Variants in AFAP1L1 observed in about 807,000 individuals in gnomAD.
AFAP1L1 encodes the protein actin filament associated protein 1 like 1, also known as actin filament-associated protein 1-like 1.
AFAP1L1 carries 77 observed loss-of-function variants against 99.8 expected under a neutral mutation model. The ratio of observed to expected loss-of-function variants is 0.77; its 90% CI spans 0.64 to 0.93. AFAP1L1 has a LOEUF of 0.93. Ranked by LOEUF, AFAP1L1 falls within the 40% of genes least tolerant of loss-of-function variation. The pLI is 0.00. For missense variants in AFAP1L1, 893 were observed against 996.8 expected (o/e 0.90, Z 1.40); for synonymous variants, 373 against 395.3 (o/e 0.94, Z 0.67).
At chr5:149,311,060 C>T (rs1346608925) in intron 8 of AFAP1L1, among the ~76,000 whole-genome samples, 2 of 152,056 alleles carry the variant, frequency 1.3e-5, no homozygotes, top group Non-Finnish European at 2.9e-5. Flanking sequence ...GATGCCCCAC[C>T]CCCCATTCCT....
rs143981577 is a variant in AFAP1L1, at chr5:149,329,695, C to T, written c.1840C>T (p.Arg614Ter). 21 of 1,613,802 alleles carry T rather than the reference C, an allele frequency of 1.3e-5. No individual in the cohort carries two copies. The highest frequency in any genetic ancestry group is 8.8e-5 in the South Asian group (8 of 91,022). ...CAATCAATACAAGTATGGCAAGAAC[C>T]GAGCCGAGGAGGATGCCCGGAGGTA... is the stretch of plus-strand genomic sequence containing the variant. ...SANQYKYGKN[R>*]AEEDARRYLV... Residue 614 changes from arginine to a stop codon, truncating the protein, a stop_gained, in exon 16 of 19, where the codon CGA becomes TGA. Transcript: ENST00000296721. LOFTEE classifies it high-confidence loss of function.
chr5:149,329,830 G>A lies in AFAP1L1; in HGVS notation c.1975G>A (p.Gly659Arg), dbSNP rs1483453740. 6.2e-7 allele frequency: 1 copy of A among 1,606,916 alleles called. No individual in the cohort carries two copies. Among genetic ancestry groups the A allele is most frequent in the South Asian group, 1.1e-5 (1 of 89,820 alleles). ...GAAGGAAGCCATTCGGAGCAGCCCA[G>A]GTACCTATGTGGGTGTGGTCCTGAG... Reference protein sequence around the residue: ...ELKEAIRSSPGAKLKALEEAV... With the variant: ...ELKEAIRSSPRAKLKALEEAV... The change falls in exon 16 of 19, where the codon GGA becomes AGA. Residue 659 changes from glycine (G) to arginine (R), a missense_variant and splice_region_variant. Transcript: ENST00000296721.
chr5:149,307,818 T>TTCTTTCTCTCTCTCTC (rs1756473593), intron 7 of AFAP1L1, among the ~76,000 whole-genome samples: 1 of 100,504 alleles, frequency 9.9e-6, no homozygotes, highest in Non-Finnish European at 1.9e-5. Flanking sequence ...GTGCCTCTCT[T>TTCTTTCTCTCTCTCTC]TCTCTCTCTC....
chr5:149,312,258 G>A (rs1756657461), intron 9 of AFAP1L1, 54 bp downstream of exon 9: 4 of 1,557,936 alleles, frequency 2.6e-6, no homozygotes, highest in South Asian at 1.1e-5. Context: ...CACTCAACAC[G>A]GGCTCAACCC....
chr5:149,312,774 G>A (rs1756675131), intron 9 of AFAP1L1, among the ~76,000 whole-genome samples: 1 of 148,954 alleles, frequency 6.7e-6, no homozygotes, highest in Non-Finnish European at 1.5e-5. Flanking sequence ...GGGCAACAGA[G>A]TGAGACCCTG....
At chr5:149,311,151 A>G (rs937735318) in intron 8 of AFAP1L1, among the ~76,000 whole-genome samples, 1 of 152,130 alleles carries the variant, frequency 6.6e-6, no homozygotes, top group African/African-American at 2.4e-5. Flanking sequence ...TGCTGGAACA[A>G]TGAAACCAAA....
chr5:149,320,294 G>T lies in AFAP1L1; in HGVS notation c.1626-97G>T. The T allele has an allele frequency of 8.2e-7, 1 of 1,225,634 alleles. No homozygotes were observed. The highest frequency in any genetic ancestry group is 2.4e-5 in the East Asian group (1 of 42,118). 75.9% of individuals were successfully genotyped at this position (1,225,634 alleles called of 1,614,324 possible). ...ACCAATCTTCTGATCTGCCTTAAGA[G>T]TTTCTGCCAGAATCAATGAGAGTGA... On this transcript the variant is annotated intron_variant, in intron 13 of 18. Coordinates refer to ENST00000296721, the MANE Select transcript of AFAP1L1 (RefSeq NM_152406.4). The surrounding 1 kb of genome is among the most constrained non-coding windows in gnomAD (Gnocchi z 4.0).
At chr5:149,337,500 G>A (rs976265670) in intron 18 of AFAP1L1, among the ~76,000 whole-genome samples, 1 of 152,164 alleles carries the variant, frequency 6.6e-6, no homozygotes, top group Non-Finnish European at 1.5e-5. Flanking sequence ...TTAAGCACCT[G>A]CTAAATGCTT....
In AFAP1L1 at chr5:149,335,708, C is replaced by G; in HGVS notation, c.2269C>G (p.Leu757Val). The G allele has an allele frequency of 6.2e-7, 1 of 1,613,986 alleles. No individual in the cohort carries two copies. Among genetic ancestry groups the G allele is most frequent in the East Asian group, 2.2e-5 (1 of 44,870 alleles). Residue 757 changes from leucine to valine, a missense_variant, in exon 18 of 19, where the codon CTA (leucine) becomes GTA (valine). By Grantham distance (32) the Leu-to-Val change is conservative. Coordinates refer to ENST00000296721, the MANE Select transcript of AFAP1L1 (RefSeq NM_152406.4). ...CGTAGCCTCCAACCAAGGAAGGGTGCTACAGAAAGCCAAGGTAGAGCCATA... is the reference window on the plus strand; with the variant it reads ...CGTAGCCTCCAACCAAGGAAGGGTGGTACAGAAAGCCAAGGTAGAGCCATA... Reference protein sequence around the residue: ...SIVASNQGRVLQKAKEWEMKK... With the variant: ...SIVASNQGRVVQKAKEWEMKK...
intron 1 of AFAP1L1, among the ~76,000 whole-genome samples, chr5:149,286,709 C>T (rs942802862): frequency 2.6e-5 from 4 of 152,330 alleles, no homozygotes; most frequent in Admixed American, 2.6e-4. Flanking sequence ...ATACAGGGTG[C>T]TCCTGCTTCT....
At chr5:149,293,917 G>T (rs904742322) in intron 1 of AFAP1L1, among the ~76,000 whole-genome samples, 2 of 152,108 alleles carry the variant, frequency 1.3e-5, no homozygotes, top group Admixed American at 1.3e-4. Flanking sequence ...GGCAGTGCAA[G>T]AATCCCAATA....
Position 149,342,774 on chromosome 5 carries a change from C to T in AFAP1L1, c.*2744C>T, listed in dbSNP as rs991477458. 4.0e-5 allele frequency among the ~76,000 whole-genome samples: 6 copies of T among 151,796 alleles called. No homozygotes were observed. Among genetic ancestry groups the T allele is most frequent in the African/African-American group, 9.7e-5 (4 of 41,108 alleles). ...CAAAAATACAAAAGTTAGCTGGGCA[C>T]GGTGGCACATGCCGGTAGTCCCAGC... On this transcript the variant is annotated 3_prime_UTR_variant, in exon 19 of 19. Transcript: ENST00000296721.
At chr5:149,339,326 A>T (rs370339781) in intron 18 of AFAP1L1, among the ~76,000 whole-genome samples, 1 of 151,958 alleles carries the variant, frequency 6.6e-6, no homozygotes, top group East Asian at 1.9e-4. Flanking sequence ...TGTAGCTGGG[A>T]TTACAGGTGC....
intron 17 of AFAP1L1, among the ~76,000 whole-genome samples, chr5:149,333,701 C>T (rs983856224): frequency 6.6e-6 from 1 of 152,192 alleles, no homozygotes; most frequent in African/African-American, 2.4e-5. Context: ...TAAGGTCCTA[C>T]CTAAGGATAT....
In AFAP1L1 at chr5:149,307,234, G is replaced by A. The variant is rs191807020; in HGVS notation, c.536-168G>A. On this transcript the variant is annotated intron_variant, in intron 6 of 18. Transcript: ENST00000296721. Reference sequence around the variant, plus strand: ...TGTACTCCAGCCTGGGTGACAGAGCGAGATTCCGTCTCCAAAAAAAAAGTA... The same window carrying A: ...TGTACTCCAGCCTGGGTGACAGAGCAAGATTCCGTCTCCAAAAAAAAAGTA... Among the ~76,000 whole-genome samples, 29 of 152,058 alleles carry A rather than the reference G, an allele frequency of 1.9e-4. No homozygotes were observed. In the Middle Eastern group the frequency reaches 0.017, roughly 90 times the overall value.
Position 149,318,649 on chromosome 5 carries a change from CCTT to C in AFAP1L1, c.1479+713_1479+715del, listed in dbSNP as rs540569885. On this transcript the variant is annotated intron_variant, in intron 12 of 18. Transcript: ENST00000296721. ...TGATTTCATTTCACCGATTCACTGT[CCTT>C]CTTACTCACGGGCACTAGCCTCCTC... 1.4e-4 allele frequency among the ~76,000 whole-genome samples: 22 copies of C among 152,300 alleles called. No homozygotes were observed. The East Asian group carries it at 3.9e-3, about 27-fold the overall frequency.
chr5:149,339,901 C>A, intron 18 of AFAP1L1, 106 bp from the exon 19 acceptor site: 1 of 1,265,558 alleles, frequency 7.9e-7, no homozygotes, highest in Non-Finnish European at 1.1e-6. Flanking sequence ...CCCAACGCAA[C>A]CTGGCTAGTG....
Position 149,320,301 on chromosome 5 carries a change from C to T in AFAP1L1, c.1626-90C>T, listed in dbSNP as rs1374590301. On this transcript the variant is annotated intron_variant, in intron 13 of 18. Coordinates refer to ENST00000296721, the MANE Select transcript of AFAP1L1 (RefSeq NM_152406.4). This position sits in a 1 kb window ranked among gnomAD's most constrained non-coding sequence, Gnocchi z 4.0. ...TTCTGATCTGCCTTAAGAGTTTCTGCCAGAATCAATGAGAGTGAGGACACG... is the reference window on the plus strand; with the variant it reads ...TTCTGATCTGCCTTAAGAGTTTCTGTCAGAATCAATGAGAGTGAGGACACG... 5.4e-6 allele frequency: 7 copies of T among 1,294,746 alleles called. No homozygotes were observed. The highest frequency in any genetic ancestry group is 7.8e-6 in the Non-Finnish European group (7 of 901,640). 80.2% of individuals were successfully genotyped at this position (1,294,746 alleles called of 1,614,324 possible).
At chr5:149,283,252 G>A (rs776610796) in intron 1 of AFAP1L1, among the ~76,000 whole-genome samples, 4 of 152,210 alleles carry the variant, frequency 2.6e-5, no homozygotes, top group African/African-American at 9.7e-5. Flanking sequence ...GAGAAAGCCT[G>A]TCCATTGGCT....
Sources: gnomAD v4.1 joint callset for allele counts (sites outside exome capture counted in the v4.1 genomes callset) on GRCh38, gnomAD v4.1.1 for gene constraint, Gnocchi (gnomAD v3.1) non-coding constraint, MANE v1.5 for transcripts, NCBI Gene and HGNC (gene_info 2026-07-23, HGNC 2026-07-21) for gene names.